BTNL9: variants seen among roughly 807,000 people sequenced by gnomAD.
BTNL9 encodes butyrophilin-like protein 9.
In BTNL9, 45 loss-of-function variants were observed where a neutral mutation model predicts 45.8. That is an observed-to-expected ratio of 0.98 (90% CI 0.77 to 1.26). The LOEUF (loss-of-function observed/expected upper bound fraction) is 1.26. Among genes scored for constraint, BTNL9 ranks in the 50% most tolerant of loss-of-function variants. The pLI is 0.00. For missense variants in BTNL9, 784 were observed against 729.7 expected (o/e 1.07, Z -0.86); for synonymous variants, 346 against 330.8 (o/e 1.05, Z -0.50).
chr5:181,052,441 G>C (rs181552976), intron 4 of BTNL9, among the ~76,000 whole-genome samples: 8 of 152,288 alleles, frequency 5.3e-5, no homozygotes, highest in African/African-American at 1.4e-4. Context: ...TAATGCCCCT[G>C]AACTGTACAC....
At chr5:181,054,083 T>A in intron 6 of BTNL9, 156 bp from the exon 7 acceptor site, 1 of 1,549,538 alleles carries the variant, frequency 6.5e-7, no homozygotes, top group Non-Finnish European at 8.7e-7. Flanking sequence ...GCCTGGAGCC[T>A]CACTTCCAGC....
rs1211241827 is a variant in BTNL9, at chr5:181,061,289, G to A, written c.*1427G>A. On this transcript the variant is annotated 3_prime_UTR_variant, in exon 11 of 11. Transcript: ENST00000327705. ...ATGACAACACTTGGTGACTCTAGGT[G>A]ACTGGTCGACAGATGTTCATTGTAC... 6.6e-6 allele frequency: 1 copy of A among 152,236 alleles called. No individual in the cohort carries two copies. The highest frequency in any genetic ancestry group is 1.5e-5 in the Non-Finnish European group (1 of 68,038). 9.4% of individuals were successfully genotyped at this position (152,236 alleles called of 1,614,324 possible). A position where few individuals can be genotyped will look rare whatever the true frequency, so the allele number is the denominator to read the frequency against.
chr5:181,054,166 G>C lies in BTNL9; in HGVS notation c.887-73G>C, dbSNP rs368082430. On this transcript the variant is annotated intron_variant, in intron 6 of 10. Coordinates refer to ENST00000327705, the MANE Select transcript of BTNL9 (RefSeq NM_152547.5). ...GTGAGGCCTCAGTGTTCACCCATCT[G>C]TTCTGTCTGCCTCATTCCCCAACCT... 6.4e-4 allele frequency: 1,027 copies of C among 1,602,642 alleles called. 1 individual carries two copies. The highest frequency in any genetic ancestry group is 8.3e-4 in the Non-Finnish European group (970 of 1,173,858).
chr5:181,042,560 G>A lies in BTNL9; in HGVS notation c.-24+2128G>A, dbSNP rs1760831448. Among the ~76,000 whole-genome samples the A allele has an allele frequency of 6.6e-6, 1 of 152,162 alleles. No individual in the cohort carries two copies. The highest frequency in any genetic ancestry group is 1.5e-5 in the Non-Finnish European group (1 of 68,022). ...ACGGGGAGGAGGGTGCTGTCCAGGA[G>A]CCGCTGACTTTTCCCTTCAGGAAGC... On this transcript the variant is annotated intron_variant, in intron 1 of 10. Transcript: ENST00000327705. The surrounding 1 kb of genome is among the most constrained non-coding windows in gnomAD (Gnocchi z 4.5).
intron 1 of BTNL9, among the ~76,000 whole-genome samples, chr5:181,043,242 CTGTG>C (rs756509234): frequency 8.9e-5 from 6 of 67,672 alleles, no homozygotes; most frequent in South Asian, 7.1e-4. Flanking sequence ...ATGTGTGTGT[CTGTG>C]TGTGTGTGCA....
In BTNL9 at chr5:181,060,007, A is replaced by G. The variant is rs1762090579; in HGVS notation, c.*145A>G. The G allele has an allele frequency of 1.4e-6, 1 of 727,630 alleles. No homozygotes were observed. The highest frequency in any genetic ancestry group is 1.8e-5 in the African/African-American group (1 of 56,004). The allele number at this position is 727,630 out of a possible 1,614,324, so 45.1% of individuals were successfully genotyped here. ...CAAAGAGAGGGACCTTTGCCTACGT[A>G]GATGTGTATGTGTAGTGCGATTTTC... is the stretch of plus-strand genomic sequence containing the variant. On this transcript the variant is annotated 3_prime_UTR_variant, in exon 11 of 11. Coordinates refer to ENST00000327705, the MANE Select transcript of BTNL9 (RefSeq NM_152547.5).
At chr5:181,054,378 G>C (rs1761764380) in intron 7 of BTNL9, 119 bp downstream of exon 7, 1 of 1,540,076 alleles carries the variant, frequency 6.5e-7, no homozygotes, top group Non-Finnish European at 8.7e-7. Context: ...AACCATCCCT[G>C]TGAGCCTCCA....
rs368154215 is a variant in BTNL9, at chr5:181,054,216, CTTTTTTT to C, written c.887-13_887-7del. ...TGAGAGTCTTTCCCCTTTTCTTCATCTTTTTTTTTTTTTTTTCTCTAGAGAAACTCAC... is the reference window on the plus strand; with the variant it reads ...TGAGAGTCTTTCCCCTTTTCTTCATCTTTTTTTTTCTCTAGAGAAACTCAC... On this transcript the variant is annotated splice_polypyrimidine_tract_variant and intron_variant, in intron 6 of 10. Transcript: ENST00000327705. 1 of 1,022,056 alleles carries C rather than the reference CTTTTTTT, an allele frequency of 9.8e-7. No individual in the cohort carries two copies. Among genetic ancestry groups the C allele is most frequent in the East Asian group, 3.5e-5 (1 of 28,926 alleles). 63.3% of individuals were successfully genotyped at this position (1,022,056 alleles called of 1,614,324 possible).
At position 181,048,051 on chromosome 5, in the gene BTNL9, G is replaced by A; in HGVS notation, c.234G>A (p.Gln78=). Residue 78 remains glutamine, a synonymous_variant, in exon 3 of 11, where the codon CAG becomes CAA. Transcript: ENST00000327705. ...QQMEIRWFRS[Q]TFNVVHLYQE... is the part of the protein sequence containing the mutation. ...TGGAGATCCGCTGGTTCCGGAGTCA[G>A]ACCTTCAATGTGGTACACCTGTACC... The A allele has an allele frequency of 3.1e-6, 5 of 1,613,730 alleles. No individual in the cohort carries two copies. The highest frequency in any genetic ancestry group is 1.1e-5 in the South Asian group (1 of 91,066).
chr5:181,047,008 G>A (rs1582123160), intron 2 of BTNL9, among the ~76,000 whole-genome samples: 1 of 152,214 alleles, frequency 6.6e-6, no homozygotes, highest in South Asian at 2.1e-4. Flanking sequence ...CTCAAATAGT[G>A]TGAACAAAGG....
At chr5:181,057,463 A>C (rs990533131) in intron 9 of BTNL9, among the ~76,000 whole-genome samples, 1 of 152,224 alleles carries the variant, frequency 6.6e-6, no homozygotes, top group African/African-American at 2.4e-5. Context: ...TTTGATGCAT[A>C]TTGGATTCCC....
chr5:181,042,782 T>G lies in BTNL9; in HGVS notation c.-24+2350T>G, dbSNP rs1247866206. On this transcript the variant is annotated intron_variant, in intron 1 of 10. Transcript: ENST00000327705. This position sits in a 1 kb window ranked among gnomAD's most constrained non-coding sequence, Gnocchi z 4.5. ...CATTAGTTGGCTGGTTGGCTGGTTT[T>G]GTGGCTGGCACCGTGTGAGCCGGTC... Among the ~76,000 whole-genome samples the G allele has an allele frequency of 6.6e-6, 1 of 152,220 alleles. No individual in the cohort carries two copies. Among genetic ancestry groups the G allele is most frequent in the East Asian group, 1.9e-4 (1 of 5,204 alleles).
chr5:181,054,478 C>A (rs550813857), intron 7 of BTNL9: 2 of 985,480 alleles, frequency 2.0e-6, no homozygotes, highest in African/African-American at 3.5e-5. Flanking sequence ...CAGCTCCTCC[C>A]CTGCAAATTA....
chr5:181,054,175 G>A lies in BTNL9; in HGVS notation c.887-64G>A, dbSNP rs1761746211. ...CAGTGTTCACCCATCTGTTCTGTCT[G>A]CCTCATTCCCCAACCTGAGAGTCTT... On this transcript the variant is annotated intron_variant, in intron 6 of 10. Coordinates refer to ENST00000327705, the MANE Select transcript of BTNL9 (RefSeq NM_152547.5). The A allele has an allele frequency of 5.0e-6, 8 of 1,607,854 alleles. No homozygotes were observed. The South Asian group carries it at 8.8e-5, about 18-fold the overall frequency.
At position 181,050,036 on chromosome 5, in the gene BTNL9, C is replaced by G. The variant is rs560340655; in HGVS notation, c.455-52C>G. ...GCTGAACAGTGGCAGGAATGTTATG[C>G]GTGATTTCTCAGAAGAAGCCTGACC... is the stretch of plus-strand genomic sequence containing the variant. On this transcript the variant is annotated intron_variant, in intron 3 of 10. Coordinates refer to ENST00000327705, the MANE Select transcript of BTNL9 (RefSeq NM_152547.5). This position sits in a 1 kb window ranked among gnomAD's most constrained non-coding sequence, Gnocchi z 4.9. 22 of 1,567,386 alleles carry G rather than the reference C, an allele frequency of 1.4e-5. No homozygotes were observed. The highest frequency in any genetic ancestry group is 1.8e-5 in the Non-Finnish European group (21 of 1,154,744).
Position 181,045,495 on chromosome 5 carries a change from G to A in BTNL9, c.6G>A (p.Val2=). The change falls in exon 2 of 11, where the codon GTG becomes GTA. Residue 2 remains valine, a synonymous_variant. Coordinates refer to ENST00000327705, the MANE Select transcript of BTNL9 (RefSeq NM_152547.5). The part of the protein sequence containing the change: M[V]DLSVSPDSLK... ...GCCCCCACTGCTGACGAGAGATGGT[G>A]GACCTCTCAGTCTCCCCAGACTCCT... 1 of 1,599,140 alleles carries A rather than the reference G, an allele frequency of 6.3e-7. No homozygotes were observed. Among genetic ancestry groups the A allele is most frequent in the Non-Finnish European group, 8.6e-7 (1 of 1,167,010 alleles).
At chr5:181,057,959 C>A (rs1222082584) in intron 9 of BTNL9, among the ~76,000 whole-genome samples, 1 of 152,184 alleles carries the variant, frequency 6.6e-6, no homozygotes, top group Non-Finnish European at 1.5e-5. Context: ...GACAGGACAT[C>A]TGGAGGGCAT....
chr5:181,054,815 C>T, intron 7 of BTNL9: 1 of 985,334 alleles, frequency 1.0e-6, no homozygotes, highest in Non-Finnish European at 1.2e-6. Context: ...CCTCGCCCTT[C>T]AAGGGGAATG....
At chr5:181,058,322 G>T in intron 9 of BTNL9, 30 bp from the exon 10 acceptor site, 1 of 1,613,978 alleles carries the variant, frequency 6.2e-7, no homozygotes, top group Non-Finnish European at 8.5e-7. Context: ...AGATTTCTGA[G>T]CTTTTTTCCC....
Sources: allele counts gnomAD v4.1 joint callset (sites outside exome capture counted in the v4.1 genomes callset), GRCh38; gene constraint gnomAD v4.1.1; non-coding constraint Gnocchi (gnomAD v3.1); transcripts MANE v1.5; gene names NCBI Gene and HGNC (gene_info 2026-07-23, HGNC 2026-07-21).